The following SCN11A variants were observed in gnomAD, a reference collection of about 807,000 sequenced individuals.
SCN11A encodes the protein sodium voltage-gated channel alpha subunit 11, also known as sodium channel protein type 11 subunit alpha.
A neutral mutation model predicts 162.2 loss-of-function variants in SCN11A; 122 were observed. The ratio of observed to expected loss-of-function variants is 0.75; its 90% CI spans 0.65 to 0.87. The LOEUF is 0.87. Ranked by LOEUF, SCN11A falls within the 40% of genes least tolerant of loss-of-function variation. The pLI is 0.00. For synonymous variants in SCN11A, 758 were observed against 751.5 expected (o/e 1.01, Z -0.14); for missense variants, 2,015 against 2,181.6 (o/e 0.92, Z 1.52).
At position 38,910,122 on chromosome 3, in the gene SCN11A, A is replaced by G. The variant is rs2065865302; in HGVS notation, c.1045T>C (p.Phe349Leu). The change falls in exon 12 of 30, where the codon TTT becomes CTT. Residue 349 changes from phenylalanine to leucine, a missense_variant. Physicochemically the swap from Phe to Leu is conservative, Grantham distance 22. Transcript: ENST00000302328. Reference protein sequence around the residue: ...YTNFDNFGWSFLAMFRLMTQD... With the variant: ...YTNFDNFGWSLLAMFRLMTQD... ...GTCATCAGCCGGAACATGGCAAGAA[A>G]AGACCAGCCAAAGTTGTCAAAATTC... The G allele has an allele frequency of 1.2e-6, 2 of 1,614,042 alleles. No homozygotes were observed. Among genetic ancestry groups the G allele is most frequent in the Non-Finnish European group, 1.7e-6 (2 of 1,179,946 alleles).
intron 2 of SCN11A, among the ~76,000 whole-genome samples, chr3:39,016,609 T>C (rs962822747): frequency 2.0e-5 from 3 of 152,168 alleles, no homozygotes; most frequent in African/African-American, 4.8e-5. Context: ...TAACTTTATT[T>C]ATTTATTTTT....
intron 2 of SCN11A, among the ~76,000 whole-genome samples, chr3:38,963,618 C>T (rs2066761883): frequency 6.6e-6 from 1 of 151,690 alleles, no homozygotes; most frequent in South Asian, 2.1e-4. Context: ...AGTGAAGTAA[C>T]TCAGGAATTG....
At chr3:38,859,092 T>A (rs537139506) in intron 28 of SCN11A, among the ~76,000 whole-genome samples, 1 of 151,594 alleles carries the variant, frequency 6.6e-6, no homozygotes, top group African/African-American at 2.4e-5. Context: ...TCACAGACAA[T>A]CTAAGGTCAG....
chr3:38,997,304 G>C (rs79315188), intron 2 of SCN11A, among the ~76,000 whole-genome samples: 5,432 of 152,264 alleles, frequency 0.036, 209 homozygotes, highest in East Asian at 0.18. Context: ...GACAAACCAG[G>C]ATGCTCTCCT....
chr3:38,915,683 G>A (rs1385346051), intron 11 of SCN11A, among the ~76,000 whole-genome samples: 3 of 151,744 alleles, frequency 2.0e-5, no homozygotes, highest in African/African-American at 7.3e-5. Flanking sequence ...GTAAAATTTT[G>A]GTTCTTTTGC....
At position 38,995,604 on chromosome 3, in the gene SCN11A, G is replaced by T. The variant is rs1191130061; in HGVS notation, c.-279-35181C>A. On this transcript the variant is annotated intron_variant, in intron 2 of 29. Coordinates refer to ENST00000302328, the MANE Select transcript of SCN11A (RefSeq NM_001349253.2). Reference sequence around the variant, plus strand: ...AATTCCTCTCTTTTCCTTCCCACCTGCCTGTTTGAGCTGGGACCTCAATAT... The same window carrying T: ...AATTCCTCTCTTTTCCTTCCCACCTTCCTGTTTGAGCTGGGACCTCAATAT... 2.0e-5 allele frequency among the ~76,000 whole-genome samples: 3 copies of T among 152,238 alleles called. No homozygotes were observed. In the East Asian group the frequency reaches 5.8e-4, roughly 29 times the overall value.
rs34151284 is a variant in SCN11A, at chr3:38,982,011, CA to C, written c.-279-21589del. 6.2e-4 allele frequency among the ~76,000 whole-genome samples: 64 copies of C among 102,912 alleles called. 1 individual carries two copies. The highest frequency in any genetic ancestry group is 5.6e-3 in the Middle Eastern group (1 of 180). The allele number at this position is 102,912 out of a possible 152,430, so 67.5% of individuals were successfully genotyped here. A position where few individuals can be genotyped will look rare whatever the true frequency, so the allele number is the denominator to read the frequency against. ...TGAGCAACAGAGTGAGACTCTGTCT[CA>C]AAAAAAAAAAACAAAACAAAAAGCA... On this transcript the variant is annotated intron_variant, in intron 2 of 29. Coordinates refer to ENST00000302328, the MANE Select transcript of SCN11A (RefSeq NM_001349253.2).
At chr3:38,903,721 G>C in intron 16 of SCN11A, 144 bp downstream of exon 16, 1 of 615,454 alleles carries the variant, frequency 1.6e-6, no homozygotes, top group Non-Finnish European at 2.8e-6. Flanking sequence ...AAGTAAAACC[G>C]TAACAGCCAT....
At chr3:38,870,011 T>A (rs1437927831) in intron 26 of SCN11A, among the ~76,000 whole-genome samples, 2 of 152,156 alleles carry the variant, frequency 1.3e-5, no homozygotes, top group Non-Finnish European at 2.9e-5. Context: ...AACACACACA[T>A]GTGCTATAAT....
intron 17 of SCN11A, among the ~76,000 whole-genome samples, chr3:38,897,527 C>T (rs1454913357): frequency 5.3e-5 from 8 of 151,810 alleles, no homozygotes; most frequent in Admixed American, 5.2e-4. Context: ...CCATCCTGGC[C>T]AACATGGTGA....
intron 1 of SCN11A, among the ~76,000 whole-genome samples, chr3:39,040,367 C>T (rs1401756826): frequency 1.3e-5 from 2 of 152,154 alleles, no homozygotes; most frequent in Admixed American, 6.5e-5. Flanking sequence ...CAGGTCACAA[C>T]TACAGGAAAA....
intron 2 of SCN11A, among the ~76,000 whole-genome samples, chr3:39,015,206 T>C (rs1205607823): frequency 2.0e-5 from 3 of 152,228 alleles, no homozygotes; most frequent in African/African-American, 7.2e-5. Flanking sequence ...TAGCCTCTTC[T>C]AGCTCTCTTC....
At chr3:38,909,339 C>T in intron 12 of SCN11A, 145 bp from the exon 13 acceptor site, 4 of 655,822 alleles carry the variant, frequency 6.1e-6, no homozygotes, top group East Asian at 2.7e-5. Flanking sequence ...CATATAGCTT[C>T]CCTAATACTC....
intron 23 of SCN11A, among the ~76,000 whole-genome samples, chr3:38,877,031 GGTATATATATGGTGTATATACTATATATA>G (rs2065220018): frequency 2.7e-5 from 1 of 37,428 alleles, no homozygotes; most frequent in African/African-American, 1.1e-4. Flanking sequence ...GTATATATAT[GGTATATATATGGTGTATATACTATATATA>G]TGGTATATAT....
chr3:38,928,561 A>G (rs1444317416), intron 7 of SCN11A, among the ~76,000 whole-genome samples: 2 of 152,144 alleles, frequency 1.3e-5, no homozygotes, highest in Non-Finnish European at 2.9e-5. Flanking sequence ...ATAATAAAAT[A>G]AAATAGAACT....
At chr3:38,933,387 G>A (rs1388078253) in intron 7 of SCN11A, among the ~76,000 whole-genome samples, 2 of 152,222 alleles carry the variant, frequency 1.3e-5, no homozygotes, top group African/African-American at 2.4e-5. Flanking sequence ...TGACTTTGAC[G>A]AGTTGAGAGA....
intron 9 of SCN11A, 124 bp from the exon 10 acceptor site, chr3:38,921,379 C>T (rs905386451): frequency 2.1e-5 from 18 of 842,606 alleles, no homozygotes; most frequent in African/African-American, 5.2e-5. Context: ...GGACTCCAGC[C>T]TAGCCTATGA....
intron 15 of SCN11A, among the ~76,000 whole-genome samples, chr3:38,904,857 CT>C (rs2065767648): frequency 6.6e-6 from 1 of 152,162 alleles, no homozygotes; most frequent in Non-Finnish European, 1.5e-5. Context: ...TGTTCTTTGA[CT>C]GACTATTGTT....
intron 27 of SCN11A, among the ~76,000 whole-genome samples, chr3:38,866,376 A>G (rs1202981925): frequency 6.6e-6 from 1 of 151,942 alleles, no homozygotes; most frequent in African/African-American, 2.4e-5. Context: ...GTACCACCAC[A>G]GCTGGTTAAT....
Sources: allele counts gnomAD v4.1 joint callset (sites outside exome capture counted in the v4.1 genomes callset), GRCh38; gene constraint gnomAD v4.1.1; transcripts MANE v1.5; gene names NCBI Gene and HGNC (gene_info 2026-07-23, HGNC 2026-07-21).